Variants in XKR3 observed in about 807,000 individuals in gnomAD.
XKR3 encodes XK-related protein 3.
XKR3 carries 27 observed loss-of-function variants against 40.3 expected under a neutral mutation model. The observed-to-expected ratio is 0.67, with a 90% CI of 0.49 to 0.92. XKR3 has a LOEUF of 0.92. Ranked by LOEUF, XKR3 falls within the 40% of genes least tolerant of loss-of-function variation. XKR3 has a pLI of 0.00. For synonymous variants in XKR3, 193 were observed against 195.4 expected, an observed-to-expected ratio of 0.99 and a Z score of 0.10; for missense variants, 472 against 537.6, an observed-to-expected ratio of 0.88 and a Z score of 1.21.
At position 16,807,751 on chromosome 22, in the gene XKR3, C is replaced by A. The variant is rs192341167; in HGVS notation, c.323G>T (p.Gly108Val). 8.1e-6 allele frequency: 13 copies of A among 1,602,066 alleles called. No individual in the cohort carries two copies. The highest frequency in any genetic ancestry group is 1.3e-5 in the African/African-American group (1 of 74,548). The change falls in exon 2 of 4, where the codon GGA (glycine) becomes GTA (valine). Residue 108 changes from glycine (G) to valine (V), a missense_variant. By Grantham distance (109) the Gly-to-Val change is moderately radical. Transcript: ENST00000684488. ...ALLFWHILLL[G>V]PIVRCLHTIR... is the part of the protein sequence containing the mutation. ...TTGTGTCACTTACCTCACAATAGGT[C>A]CTAAAAGAAGAATGTGCCAAAAAAG...
At chr22:16,804,783 T>C (rs2060182953) in intron 2 of XKR3, among the ~76,000 whole-genome samples, 1 of 152,166 alleles carries the variant, frequency 6.6e-6, no homozygotes, top group Non-Finnish European at 1.5e-5. Flanking sequence ...GTCAAGCCTT[T>C]CTGGAACAAA....
At chr22:16,817,767 T>C (rs1340144709) in intron 1 of XKR3, among the ~76,000 whole-genome samples, 1 of 152,162 alleles carries the variant, frequency 6.6e-6, no homozygotes, top group African/African-American at 2.4e-5. Context: ...AAAAAGAATA[T>C]TATATTACAC....
intron 3 of XKR3, among the ~76,000 whole-genome samples, chr22:16,797,700 G>C (rs2060147803): frequency 6.7e-6 from 1 of 149,966 alleles, no homozygotes; most frequent in Non-Finnish European, 1.5e-5. Context: ...GGGTGAGGCA[G>C]AAGAATGGTG....
chr22:16,800,110 C>T, intron 2 of XKR3, 86 bp from the exon 3 acceptor site: 1 of 1,467,994 alleles, frequency 6.8e-7, no homozygotes. Flanking sequence ...GAGAGGAACT[C>T]TTAATTTTGA....
chr22:16,800,594 A>C (rs1351444479), intron 2 of XKR3, among the ~76,000 whole-genome samples: 2 of 152,198 alleles, frequency 1.3e-5, no homozygotes, highest in Non-Finnish European at 2.9e-5. Context: ...GTCTAAAAAA[A>C]CTCAATGAAT....
chr22:16,811,212 C>T (rs1275582885), intron 1 of XKR3, among the ~76,000 whole-genome samples: 2 of 151,244 alleles, frequency 1.3e-5, no homozygotes, highest in African/African-American at 4.9e-5. Context: ...CAACCTCTGC[C>T]TCTTGGGTTC....
chr22:16,784,895 T>G (rs2060083387), intron 3 of XKR3, among the ~76,000 whole-genome samples: 1 of 152,156 alleles, frequency 6.6e-6, no homozygotes, highest in Non-Finnish European at 1.5e-5. Context: ...TAGACTATGG[T>G]GGTAACAGAA....
intron 3 of XKR3, among the ~76,000 whole-genome samples, chr22:16,785,080 G>A (rs1205439703): frequency 1.3e-5 from 2 of 152,044 alleles, no homozygotes; most frequent in Non-Finnish European, 2.9e-5. Flanking sequence ...CACTTTAGGA[G>A]GCCGAGGCGG....
Position 16,814,137 on chromosome 22 carries a change from C to A in XKR3, c.-10-6054G>T, listed in dbSNP as rs111880858. On this transcript the variant is annotated intron_variant, in intron 1 of 3. Coordinates refer to ENST00000684488, the MANE Select transcript of XKR3 (RefSeq NM_001386955.1). ...CTAAGGTCACAAAGATTAACGTCTACCTTTTTCTAGAGTTTTATTTTATTG... is the reference window on the plus strand; with the variant it reads ...CTAAGGTCACAAAGATTAACGTCTAACTTTTTCTAGAGTTTTATTTTATTG... 2.9e-4 allele frequency among the ~76,000 whole-genome samples: 44 copies of A among 152,236 alleles called. 1 individual carries two copies. Among genetic ancestry groups the A allele is most frequent in the African/African-American group, 1.0e-3 (42 of 41,556 alleles).
intron 2 of XKR3, among the ~76,000 whole-genome samples, chr22:16,803,385 C>G (rs1006596241): frequency 5.9e-5 from 9 of 152,086 alleles, no homozygotes; most frequent in Non-Finnish European, 1.3e-4. Context: ...TTTATTTCCA[C>G]AACAAGAAGA....
chr22:16,804,886 C>T (rs963819577), intron 2 of XKR3, among the ~76,000 whole-genome samples: 2 of 152,152 alleles, frequency 1.3e-5, no homozygotes, highest in African/African-American at 4.8e-5. Context: ...GGCACATGTA[C>T]TCAGGACTTC....
chr22:16,788,957 T>A (rs2060102836), intron 3 of XKR3, among the ~76,000 whole-genome samples: 1 of 152,070 alleles, frequency 6.6e-6, no homozygotes, highest in Non-Finnish European at 1.5e-5. Flanking sequence ...TATAATAAAA[T>A]CTCTCAACAA....
intron 1 of XKR3, among the ~76,000 whole-genome samples, chr22:16,821,365 A>G (rs561361267): frequency 1.9e-4 from 29 of 152,278 alleles, no homozygotes; most frequent in South Asian, 6.2e-4. Context: ...TAAGAGTACT[A>G]TAGAAGATAA....
In XKR3 at chr22:16,783,777, CT is replaced by C. The variant is rs1430568401; in HGVS notation, c.1221del (p.Val408CysfsTer17). ...TGATTTTCAGTACGTCCTGGCAACA[CT>C]TTGCCTGACTGCCATGGGTACAAAT... is the stretch of plus-strand genomic sequence containing the variant. ...YQYLYPWQSG[K>X]VLPGRTENQP... On this transcript the variant is annotated frameshift_variant, in exon 4 of 4. Transcript: ENST00000684488. LOFTEE classifies it high-confidence loss of function. 5.6e-6 allele frequency: 9 copies of C among 1,614,018 alleles called. No homozygotes were observed. The East Asian group carries it at 2.0e-4, about 36-fold the overall frequency.
At chr22:16,784,589 A>G (rs1444462628) in intron 3 of XKR3, among the ~76,000 whole-genome samples, 180 bp from the exon 4 acceptor site, 9 of 152,362 alleles carry the variant, frequency 5.9e-5, no homozygotes, top group Non-Finnish European at 1.3e-4. Context: ...AAGTATAGGC[A>G]TGCAAAACAT....
intron 3 of XKR3, among the ~76,000 whole-genome samples, chr22:16,791,660 A>G (rs2060116225): frequency 6.6e-6 from 1 of 151,190 alleles, no homozygotes; most frequent in African/African-American, 2.4e-5. Flanking sequence ...AAAACATACA[A>G]TGTAACCTGT....
intron 3 of XKR3, among the ~76,000 whole-genome samples, chr22:16,793,062 G>C (rs1464785500): frequency 1.3e-5 from 2 of 151,908 alleles, no homozygotes; most frequent in Non-Finnish European, 2.9e-5. Flanking sequence ...TCCCAGGCTG[G>C]AGTGCAATGG....
intron 3 of XKR3, among the ~76,000 whole-genome samples, chr22:16,798,712 T>C (rs1360232458): frequency 6.6e-6 from 1 of 152,184 alleles, no homozygotes; most frequent in African/African-American, 2.4e-5. Context: ...TGCATCAACA[T>C]AAATGCAGGT....
chr22:16,816,055 T>C (rs2060231935), intron 1 of XKR3, among the ~76,000 whole-genome samples: 1 of 151,966 alleles, frequency 6.6e-6, no homozygotes, highest in Non-Finnish European at 1.5e-5. Context: ...CACCTTTGTT[T>C]TAATATTTCA....
Sources: allele counts gnomAD v4.1 joint callset (sites outside exome capture counted in the v4.1 genomes callset), GRCh38; gene constraint gnomAD v4.1.1; transcripts MANE v1.5; gene names NCBI Gene and HGNC (gene_info 2026-07-23, HGNC 2026-07-21).